TMEM11: variants seen among roughly 807,000 people sequenced by gnomAD.
The protein encoded by TMEM11 is transmembrane protein 11.
Under a neutral mutation model 17.0 loss-of-function variants are expected in TMEM11, and 1 was observed. The observed-to-expected ratio is 0.06, with a 90% CI of 0.02 to 0.28. TMEM11 has a LOEUF of 0.28. Ranked by LOEUF, TMEM11 falls within the 10% of genes least tolerant of loss-of-function variation. The pLI, the probability that TMEM11 is intolerant of heterozygous loss-of-function variation, is 1.00. For synonymous variants in TMEM11, 122 were observed against 118.1 expected (o/e 1.03, Z -0.21); for missense variants, 172 against 252.9 (o/e 0.68, Z 2.17).
At chr17:21,202,435 C>T (rs1384385452) in intron 1 of TMEM11, among the ~76,000 whole-genome samples, 2 of 152,218 alleles carry the variant, frequency 1.3e-5, no homozygotes, top group African/African-American at 4.8e-5. Context: ...CTCTGCCCAG[C>T]AGGCCAGCGC....
intron 1 of TMEM11, among the ~76,000 whole-genome samples, chr17:21,206,558 C>T (rs189584354): frequency 5.3e-5 from 8 of 152,022 alleles, no homozygotes; most frequent in East Asian, 3.9e-4. Flanking sequence ...TTTGTGGAGA[C>T]GGAGTTTCAC....
At chr17:21,210,959 T>C in intron 1 of TMEM11, 1 of 1,288,360 alleles carries the variant, frequency 7.8e-7, no homozygotes. Flanking sequence ...CGGAGGGCTC[T>C]GGGAGGTTCA....
intron 1 of TMEM11, among the ~76,000 whole-genome samples, chr17:21,200,257 T>C (rs578169660): frequency 6.6e-6 from 1 of 152,362 alleles, no homozygotes; most frequent in Admixed American, 6.5e-5. Flanking sequence ...CTTCTTCACC[T>C]GTGGCGGGCA....
intron 1 of TMEM11, among the ~76,000 whole-genome samples, chr17:21,212,443 G>T (rs1975013154): frequency 6.6e-6 from 1 of 152,212 alleles, no homozygotes; most frequent in African/African-American, 2.4e-5. Context: ...CGACCAAAAA[G>T]AGTCAGCCAC....
chr17:21,203,950 CT>C (rs1179243528), intron 1 of TMEM11, among the ~76,000 whole-genome samples: 2 of 59,720 alleles, frequency 3.3e-5, no homozygotes, highest in Admixed American at 1.8e-4. Context: ...CATGGGAGAT[CT>C]TTTTTTTTCC....
intron 1 of TMEM11, among the ~76,000 whole-genome samples, chr17:21,202,408 C>A (rs2144293158): frequency 6.6e-6 from 1 of 152,278 alleles, no homozygotes; most frequent in Middle Eastern, 3.4e-3. Context: ...CCAAATCCAC[C>A]CTAGTGCGGT....
chr17:21,213,807 A>C (rs1975030146), intron 1 of TMEM11: 2 of 458,466 alleles, frequency 4.4e-6, no homozygotes, highest in Non-Finnish European at 7.8e-6. Flanking sequence ...GCTGGGCGCC[A>C]GTTCCTTTCA....
intron 1 of TMEM11, among the ~76,000 whole-genome samples, chr17:21,209,409 C>T (rs1974978560): frequency 6.6e-6 from 1 of 152,190 alleles, no homozygotes; most frequent in Non-Finnish European, 1.5e-5. Context: ...CCAAGCACTG[C>T]CCCTCTGCCT....
At chr17:21,206,369 G>A (rs1247712679) in intron 1 of TMEM11, among the ~76,000 whole-genome samples, 2 of 152,016 alleles carry the variant, frequency 1.3e-5, no homozygotes, top group East Asian at 3.9e-4. Flanking sequence ...CTACAGACAT[G>A]TGCTGCCACG....
chr17:21,203,700 A>G (rs1446562188), intron 1 of TMEM11, among the ~76,000 whole-genome samples: 1 of 148,322 alleles, frequency 6.7e-6, no homozygotes, highest in Middle Eastern at 3.2e-3. Context: ...GAAAGAAAAA[A>G]AAGAAAAAAA....
At chr17:21,203,137 C>T (rs546345648) in intron 1 of TMEM11, among the ~76,000 whole-genome samples, 38 of 152,334 alleles carry the variant, frequency 2.5e-4, no homozygotes, top group African/African-American at 8.2e-4. Context: ...AAGGACAACA[C>T]GTGAAGTCTA....
chr17:21,212,004 A>C (rs1975007821), intron 1 of TMEM11, among the ~76,000 whole-genome samples: 1 of 152,202 alleles, frequency 6.6e-6, no homozygotes, highest in Admixed American at 6.6e-5. Flanking sequence ...TCACCAACTG[A>C]GCAGGAATGG....
At chr17:21,207,332 C>A (rs1974952992) in intron 1 of TMEM11, among the ~76,000 whole-genome samples, 2 of 150,836 alleles carry the variant, frequency 1.3e-5, no homozygotes, top group African/African-American at 4.9e-5. Flanking sequence ...GACTTCAAGA[C>A]CAGGCTGGCC....
intron 1 of TMEM11, among the ~76,000 whole-genome samples, chr17:21,202,593 TG>T (rs1270457602): frequency 4.3e-5 from 6 of 140,426 alleles, no homozygotes; most frequent in Non-Finnish European, 9.3e-5. Context: ...CAAGCCCAGC[TG>T]GCACCCACAT....
intron 1 of TMEM11, among the ~76,000 whole-genome samples, chr17:21,202,461 G>A (rs1974892891): frequency 6.6e-6 from 1 of 152,156 alleles, no homozygotes; most frequent in Non-Finnish European, 1.5e-5. Flanking sequence ...TGAATGTAGT[G>A]AAAACCACTG....
intron 1 of TMEM11, chr17:21,210,819 C>G (rs763387279): frequency 9.6e-6 from 10 of 1,041,176 alleles, no homozygotes; most frequent in Non-Finnish European, 1.2e-5. Flanking sequence ...ACTTTTAGCC[C>G]CGTGCATCTG....
intron 1 of TMEM11, among the ~76,000 whole-genome samples, chr17:21,199,091 G>T (rs1334951522): frequency 6.6e-6 from 1 of 151,998 alleles, no homozygotes; most frequent in Non-Finnish European, 1.5e-5. Flanking sequence ...GGAGGCCGGG[G>T]GGGCGGATCA....
At chr17:21,203,446 G>C (rs1375590977) in intron 1 of TMEM11, among the ~76,000 whole-genome samples, 2 of 152,230 alleles carry the variant, frequency 1.3e-5, no homozygotes, top group Non-Finnish European at 2.9e-5. Flanking sequence ...ACCAGGTGCG[G>C]TGGCTCACGC....
rs551720325 is a variant in TMEM11, at chr17:21,208,144, C to T, written c.62+5947G>A. On this transcript the variant is annotated intron_variant, in intron 1 of 1. Coordinates refer to ENST00000317635, the MANE Select transcript of TMEM11 (RefSeq NM_003876.3). ...AGTAGCTGGGACTACAGGCAATCGC[C>T]ACCACGCCCGGCTAATTTTTTGTAT... 2.0e-5 allele frequency among the ~76,000 whole-genome samples: 3 copies of T among 151,554 alleles called. No homozygotes were observed. The South Asian group carries it at 6.3e-4, about 32-fold the overall frequency.
Sources: gnomAD v4.1 joint callset for allele counts (sites outside exome capture counted in the v4.1 genomes callset) on GRCh38, gnomAD v4.1.1 for gene constraint, MANE v1.5 for transcripts, NCBI Gene and HGNC (gene_info 2026-07-23, HGNC 2026-07-21) for gene names.